Variants in ITGAE observed in about 807,000 individuals in gnomAD.
ITGAE encodes the protein integrin subunit alpha E, also known as integrin alpha-E.
In ITGAE, 99 loss-of-function variants were observed where a neutral mutation model predicts 136.5. That is an observed-to-expected ratio of 0.73 (90% CI 0.62 to 0.86). The LOEUF (loss-of-function observed/expected upper bound fraction) is 0.86, where lower values mean the gene tolerates loss of function less well. Among genes scored for constraint, ITGAE ranks in the 40% least tolerant of loss-of-function variants. ITGAE has a pLI of 0.00. For synonymous variants in ITGAE, 613 were observed against 591.8 expected (o/e 1.04, Z -0.52); for missense variants, 1,447 against 1,515.3 (o/e 0.95, Z 0.75).
intron 18 of ITGAE, among the ~76,000 whole-genome samples, chr17:3,745,080 C>T (rs1023496454): frequency 2.0e-5 from 3 of 152,194 alleles, no homozygotes; most frequent in Admixed American, 6.5e-5. Flanking sequence ...GTTTGAGTCC[C>T]GACATACTTT....
At chr17:3,738,936 G>A (rs1359724437) in intron 20 of ITGAE, 4 of 152,296 alleles carry the variant, frequency 2.6e-5, no homozygotes, top group Admixed American at 2.6e-4. Context: ...TAAGCTGCAT[G>A]AGTGTGTCAC....
intron 1 of ITGAE, among the ~76,000 whole-genome samples, chr17:3,784,122 T>A (rs1045916956): frequency 6.6e-6 from 1 of 151,678 alleles, no homozygotes; most frequent in Non-Finnish European, 1.5e-5. Context: ...TAGCCGGGCG[T>A]GGTGGCGGGC....
In ITGAE at chr17:3,745,851, G is replaced by A. The variant is rs200223270; in HGVS notation, c.2232C>T (p.Asp744=). The change falls in exon 18 of 31, where the codon GAC becomes GAT. Residue 744 remains aspartate, a synonymous_variant. Coordinates refer to ENST00000263087, the MANE Select transcript of ITGAE (RefSeq NM_002208.5). ...GKQRRRLQCS[D]VRSCLGCLRE... ...TCAGGCAGCCCAGACAGCTTCTTAC[G>A]TCTGAACACTGCAGCCGTCTCCTCT... is the stretch of plus-strand genomic sequence containing the variant. 12 of 1,613,936 alleles carry A rather than the reference G, an allele frequency of 7.4e-6. No individual in the cohort carries two copies. The highest frequency in any genetic ancestry group is 9.3e-6 in the Non-Finnish European group (11 of 1,180,024).
rs1024268343 is a variant in ITGAE at position 3,723,736 on chromosome 17, C to T, written c.3093G>A (p.Thr1031=). 1 of 1,607,006 alleles carries T rather than the reference C, an allele frequency of 6.2e-7. No individual in the cohort carries two copies. Among genetic ancestry groups the T allele is most frequent in the Non-Finnish European group, 8.5e-7 (1 of 1,176,976 alleles). ...VKKLTRTQAS[T]VCTWSQERAC... is the part of the protein sequence containing the mutation. ...CGCGCTCCTGACTCCAGGTGCACAC[C>T]GTGGAGGCCTGAAACGAGAGCCATG... The change falls in exon 27 of 31, where the codon ACG becomes ACA. Residue 1031 remains threonine (T), a synonymous_variant. Coordinates refer to ENST00000263087, the MANE Select transcript of ITGAE (RefSeq NM_002208.5).
At chr17:3,718,501 C>G (rs375429380) in intron 29 of ITGAE, 1 of 152,264 alleles carries the variant, frequency 6.6e-6, no homozygotes, top group Non-Finnish European at 1.5e-5. Context: ...AGCATATGCC[C>G]TTATGCTGCA....
At chr17:3,739,779 G>A (rs1410545549) in intron 20 of ITGAE, 26 bp downstream of exon 20, 2 of 1,602,918 alleles carry the variant, frequency 1.2e-6, no homozygotes, top group Admixed American at 3.3e-5. Flanking sequence ...GTTAATCGAG[G>A]AAACTGACGG....
chr17:3,726,416 G>A, intron 26 of ITGAE: 1 of 893,714 alleles, frequency 1.1e-6, no homozygotes, highest in Non-Finnish European at 1.7e-6. Context: ...CCCCACAGGA[G>A]GGTGGAACTC....
At chr17:3,797,155 ATATTTTTTTTTTTTTT>A (rs1567566754) in intron 1 of ITGAE, among the ~76,000 whole-genome samples, 1 of 24,032 alleles carries the variant, frequency 4.2e-5, no homozygotes, top group Non-Finnish European at 8.9e-5. Context: ...ATATATATAT[ATATTTTTTTTTTTTTT>A]TTTTTTTTTT....
At chr17:3,763,760 C>A in intron 3 of ITGAE, 109 bp downstream of exon 3, 1 of 857,724 alleles carries the variant, frequency 1.2e-6, no homozygotes, top group South Asian at 1.4e-5. Flanking sequence ...TAGGGGTGAA[C>A]GGGCTGGATG....
At chr17:3,728,296 C>T in intron 24 of ITGAE, 128 bp from the exon 25 acceptor site, 1 of 748,134 alleles carries the variant, frequency 1.3e-6, no homozygotes, top group East Asian at 2.5e-5. Flanking sequence ...CTCAACCTCC[C>T]AGGCTCAAGT....
intron 8 of ITGAE, among the ~76,000 whole-genome samples, chr17:3,759,141 A>C (rs1221990920): frequency 1.3e-5 from 2 of 150,910 alleles, no homozygotes; most frequent in African/African-American, 4.9e-5. Flanking sequence ...AAAAACAAAA[A>C]AAAAAAACCA....
chr17:3,716,714 T>G lies in ITGAE; in HGVS notation c.3418A>C (p.Ile1140Leu), dbSNP rs745958802. Reference protein sequence around the residue: ...KGSVGGLLVLIVILVILFKCG... With the variant: ...KGSVGGLLVLLVILVILFKCG... ...TTGAACAGGATGACCAGAATCACGA[T>G]CAACACCAGAAGTCCACCAACGCTG... Residue 1140 changes from isoleucine (I) to leucine (L), a missense_variant, in exon 30 of 31, where the codon ATC (isoleucine) becomes CTC (leucine). By Grantham distance (5) the Ile-to-Leu change is conservative (BLOSUM62 2). This residue lies in a region of ITGAE where 1,031 missense variants were observed against 1,011.4 expected (regional missense o/e 1.02). Transcript: ENST00000263087. 6.2e-7 allele frequency: 1 copy of G among 1,606,346 alleles called. No individual in the cohort carries two copies. The highest frequency in any genetic ancestry group is 1.1e-5 in the South Asian group (1 of 90,936).
At chr17:3,742,135 T>G (rs2051602879) in intron 19 of ITGAE, among the ~76,000 whole-genome samples, 1 of 152,038 alleles carries the variant, frequency 6.6e-6, no homozygotes. Context: ...TCAGACAAAT[T>G]GAGGAACATT....
In ITGAE at chr17:3,761,976, A is replaced by T. The variant is rs1482525673; in HGVS notation, c.254T>A (p.Val85Asp). Residue 85 changes from valine to aspartate, a missense_variant, in exon 4 of 31, where the codon GTC (valine) becomes GAC (aspartate). This residue lies in a region of ITGAE where 310 missense variants were observed against 416.1 expected (regional missense o/e 0.74). Transcript: ENST00000263087. The stretch of plus-strand genomic sequence containing the variant: ...CCGGTGCCTCCCCTTGGGGATGGGG[A>T]CATGCTCTGAAAAAGTTAAGCCCAG... ...DEILCHPVEH[V>D]PIPKGRHRGV... The T allele has an allele frequency of 6.2e-7, 1 of 1,613,636 alleles. No homozygotes were observed. Among genetic ancestry groups the T allele is most frequent in the Non-Finnish European group, 8.5e-7 (1 of 1,179,844 alleles).
At chr17:3,760,430 CTTTTTTTTTTTTT>C (rs1208333239) in intron 6 of ITGAE, 143 bp from the exon 7 acceptor site, 20 of 64,212 alleles carry the variant, frequency 3.1e-4, no homozygotes, top group Middle Eastern at 0.011. Flanking sequence ...AAGAGGGAAG[CTTTTTTTTTTTTT>C]TTTTTTTTTT....
At chr17:3,773,489 GA>G (rs796977327) in intron 2 of ITGAE, among the ~76,000 whole-genome samples, 5 of 122,744 alleles carry the variant, frequency 4.1e-5, no homozygotes, top group South Asian at 2.7e-4. Flanking sequence ...GCCTCAAAAA[GA>G]AAAAAAAAAG....
rs768789487 is a variant in ITGAE at position 3,732,479 on chromosome 17, C to G, written c.2656-13G>C. On this transcript the variant is annotated splice_polypyrimidine_tract_variant and intron_variant, in intron 21 of 30. Transcript: ENST00000263087. ...TTGGAGAGGGAGGCTGTTAAAAGAG[C>G]AGATGACATTCTCTTAAAGAGCCAA... 6.2e-7 allele frequency: 1 copy of G among 1,603,746 alleles called. No individual in the cohort carries two copies. Among genetic ancestry groups the G allele is most frequent in the Non-Finnish European group, 8.5e-7 (1 of 1,170,636 alleles).
chr17:3,723,190 G>T (rs2051094513), intron 28 of ITGAE, 98 bp downstream of exon 28: 5 of 865,472 alleles, frequency 5.8e-6, no homozygotes, highest in Non-Finnish European at 7.8e-6. Context: ...ATCTATTTTG[G>T]ACATGGACAT....
intron 3 of ITGAE, 102 bp downstream of exon 3, chr17:3,763,767 G>A: frequency 1.1e-6 from 1 of 919,472 alleles, no homozygotes; most frequent in Non-Finnish European, 1.8e-6. Flanking sequence ...GAACGGGCTG[G>A]ATGAGGCAGG....
Sources: allele counts gnomAD v4.1 joint callset (sites outside exome capture counted in the v4.1 genomes callset), GRCh38; gene constraint gnomAD v4.1.1; regional missense constraint gnomAD v4.1.1; transcripts MANE v1.5; gene names NCBI Gene and HGNC (gene_info 2026-07-23, HGNC 2026-07-21).